Variants in PKNOX2 observed in about 807,000 individuals in gnomAD.
PKNOX2 encodes the protein homeobox protein PKNOX2.
In PKNOX2, 14 loss-of-function variants were observed where a neutral mutation model predicts 53.1. The observed-to-expected ratio is 0.26, with a 90% CI of 0.17 to 0.41. The LOEUF (loss-of-function observed/expected upper bound fraction) is 0.41, where lower values mean the gene tolerates loss of function less well. Among genes scored for constraint, PKNOX2 ranks in the 10% least tolerant of loss-of-function variants. The pLI is 1.00. For missense variants in PKNOX2, 496 were observed against 602.8 expected (o/e 0.82, Z 1.85); for synonymous variants, 257 against 242.8 (o/e 1.06, Z -0.54).
At chr11:125,395,993 G>A (rs1209911001) in intron 6 of PKNOX2, among the ~76,000 whole-genome samples, 10 of 143,678 alleles carry the variant, frequency 7.0e-5, no homozygotes, top group East Asian at 2.0e-4. Flanking sequence ...GCGCTCTGTC[G>A]CCCAAGCTGG....
intron 1 of PKNOX2, among the ~76,000 whole-genome samples, chr11:125,173,882 A>G (rs1023729947): frequency 2.9e-4 from 44 of 152,330 alleles, no homozygotes; most frequent in African/African-American, 1.1e-3. Context: ...CGTTAGTGGT[A>G]GCATCTGTCT....
intron 2 of PKNOX2, among the ~76,000 whole-genome samples, chr11:125,288,454 A>G (rs1947062742): frequency 6.6e-6 from 1 of 152,220 alleles, no homozygotes; most frequent in Non-Finnish European, 1.5e-5. Context: ...GGCCGTGGTG[A>G]GCCCGAGGTC....
chr11:125,316,429 G>A (rs971995873), intron 2 of PKNOX2, among the ~76,000 whole-genome samples: 3 of 152,164 alleles, frequency 2.0e-5, no homozygotes, highest in African/African-American at 7.2e-5. Context: ...TTACTGCATC[G>A]AGAAATGATC....
intron 2 of PKNOX2, among the ~76,000 whole-genome samples, chr11:125,282,567 A>C (rs1263347468): frequency 3.3e-5 from 5 of 152,216 alleles, no homozygotes; most frequent in Admixed American, 3.3e-4. Context: ...TTCCCAGGTG[A>C]TGCTGCTGGT....
rs571083635 is a variant in PKNOX2 at position 125,358,933 on chromosome 11, G to A, written c.87+7541G>A. Among the ~76,000 whole-genome samples the A allele has an allele frequency of 1.1e-4, 16 of 152,346 alleles. No homozygotes were observed. The East Asian group carries it at 2.3e-3, about 22-fold the overall frequency. ...CCTGGTGTTGCCGGTGTTGGGGTCC[G>A]TTCAGATGAGGCAGGAGTCCAGTCT... On this transcript the variant is annotated intron_variant, in intron 4 of 12. Transcript: ENST00000298282.
rs34795718 is a variant in PKNOX2 at position 125,396,580 on chromosome 11, TAAAA to T, written c.400-1280_400-1277del. 4.9e-4 allele frequency among the ~76,000 whole-genome samples: 68 copies of T among 138,238 alleles called. 1 individual carries two copies. Among genetic ancestry groups the T allele is most frequent in the African/African-American group, 1.6e-3 (62 of 38,520 alleles). The allele number at this position is 138,238 out of a possible 152,430, so 90.7% of individuals were successfully genotyped here. A position where few individuals can be genotyped will look rare whatever the true frequency, so the allele number is the denominator to read the frequency against. On this transcript the variant is annotated intron_variant, in intron 6 of 12. Coordinates refer to ENST00000298282, the MANE Select transcript of PKNOX2 (RefSeq NM_001382323.2). ...TCCTAAAGAATAATGCAGAAACTTT[TAAAA>T]AAAAAAAAAAAAAGCTATAAGCTTA...
Position 125,352,304 on chromosome 11 carries a change from C to A in PKNOX2, c.87+912C>A, listed in dbSNP as rs924124463. Among the ~76,000 whole-genome samples the A allele has an allele frequency of 3.3e-5, 5 of 152,210 alleles. No individual in the cohort carries two copies. Among genetic ancestry groups the A allele is most frequent in the African/African-American group, 1.2e-4 (5 of 41,446 alleles). On this transcript the variant is annotated intron_variant, in intron 4 of 12. Transcript: ENST00000298282. This position sits in a 1 kb window ranked among gnomAD's most constrained non-coding sequence, Gnocchi z 4.1. Reference sequence around the variant, plus strand: ...GAATTCAATAATTATTTATTGGGCACCTGTGATGTGAAATGCACCCAGCTA... The same window carrying A: ...GAATTCAATAATTATTTATTGGGCAACTGTGATGTGAAATGCACCCAGCTA...
chr11:125,185,167 C>G (rs1956374693), intron 1 of PKNOX2, among the ~76,000 whole-genome samples: 1 of 152,276 alleles, frequency 6.6e-6, no homozygotes, highest in African/African-American at 2.4e-5. Context: ...AGCCCTGCAG[C>G]TCTGTGCCCA....
chr11:125,282,636 C>T (rs79444487), intron 2 of PKNOX2, among the ~76,000 whole-genome samples: 8 of 152,192 alleles, frequency 5.3e-5, no homozygotes, highest in African/African-American at 1.9e-4. Context: ...AAATATTTGA[C>T]CAAGGTCCAT....
intron 5 of PKNOX2, among the ~76,000 whole-genome samples, chr11:125,374,349 C>T (rs552887944): frequency 6.6e-6 from 1 of 152,198 alleles, no homozygotes; most frequent in South Asian, 2.1e-4. Context: ...CTTGGCTGGG[C>T]TTTGTGGGAT....
chr11:125,209,040 T>A (rs1185943266), intron 1 of PKNOX2, among the ~76,000 whole-genome samples: 1 of 151,900 alleles, frequency 6.6e-6, no homozygotes, highest in African/African-American at 2.4e-5. Context: ...ACAAGTTTGG[T>A]GGTGAAAGGG....
intron 1 of PKNOX2, among the ~76,000 whole-genome samples, chr11:125,194,540 C>T (rs1159606697): frequency 6.6e-6 from 1 of 152,010 alleles, no homozygotes; most frequent in African/African-American, 2.4e-5. Context: ...ACTTGGCCCT[C>T]CTGCCCCCGA....
At chr11:125,183,741 A>AT (rs66586663) in intron 1 of PKNOX2, among the ~76,000 whole-genome samples, 20 of 151,568 alleles carry the variant, frequency 1.3e-4, no homozygotes, top group Admixed American at 2.0e-4. Flanking sequence ...AAAAGAGATG[A>AT]TTTTTTTCAG....
At chr11:125,218,564 G>A (rs1171512211) in intron 1 of PKNOX2, among the ~76,000 whole-genome samples, 2 of 152,198 alleles carry the variant, frequency 1.3e-5, no homozygotes, top group African/African-American at 2.4e-5. Flanking sequence ...GCTGGGAGGT[G>A]TAGGCAGGGA....
intron 5 of PKNOX2, among the ~76,000 whole-genome samples, chr11:125,372,287 C>T (rs1025867650): frequency 2.0e-5 from 3 of 152,204 alleles, no homozygotes; most frequent in Admixed American, 6.5e-5. Context: ...CTGAGGGCAC[C>T]GAGCAGTAGG....
chr11:125,304,521 G>T (rs1354742225), intron 2 of PKNOX2, among the ~76,000 whole-genome samples: 1 of 152,246 alleles, frequency 6.6e-6, no homozygotes, highest in Non-Finnish European at 1.5e-5. Flanking sequence ...CCGCTGCCTG[G>T]TCCAGGTACA....
At chr11:125,309,320 CA>C (rs1230865257) in intron 2 of PKNOX2, among the ~76,000 whole-genome samples, 6 of 151,450 alleles carry the variant, frequency 4.0e-5, no homozygotes, top group Non-Finnish European at 5.9e-5. Context: ...ATTTTTTTCC[CA>C]CATGACATGC....
At chr11:125,392,711 A>G (rs929506376) in intron 6 of PKNOX2, among the ~76,000 whole-genome samples, 1 of 152,206 alleles carries the variant, frequency 6.6e-6, no homozygotes, top group Admixed American at 6.5e-5. Context: ...TTTAAAATAA[A>G]TGAATAGGTA....
chr11:125,276,077 A>G (rs1565485780), intron 2 of PKNOX2, among the ~76,000 whole-genome samples: 1 of 152,098 alleles, frequency 6.6e-6, no homozygotes, highest in Non-Finnish European at 1.5e-5. Context: ...CTGGAGGAGA[A>G]AGTTTTTTGA....
Sources: allele counts gnomAD v4.1 joint callset (sites outside exome capture counted in the v4.1 genomes callset), GRCh38; gene constraint gnomAD v4.1.1; non-coding constraint Gnocchi (gnomAD v3.1); transcripts MANE v1.5; gene names NCBI Gene and HGNC (gene_info 2026-07-23, HGNC 2026-07-21).